Variants in BMPR1A observed in about 807,000 individuals in gnomAD.
BMPR1A encodes the protein bone morphogenetic protein receptor type-1A.
In BMPR1A, 7 loss-of-function variants were observed where a neutral mutation model predicts 66.0. The ratio of observed to expected loss-of-function variants is 0.11; its 90% CI spans 0.06 to 0.20. BMPR1A has a LOEUF of 0.20. BMPR1A is among the 10% of genes least tolerant of loss of function. The pLI, the probability that BMPR1A is intolerant of heterozygous loss-of-function variation, is 1.00. For missense variants in BMPR1A, 408 were observed against 669.1 expected (o/e 0.61, Z 4.31); for synonymous variants, 200 against 229.7 (o/e 0.87, Z 1.17).
At chr10:86,864,391 C>T (rs1842752380) in intron 2 of BMPR1A, among the ~76,000 whole-genome samples, 1 of 152,176 alleles carries the variant, frequency 6.6e-6, no homozygotes, top group African/African-American at 2.4e-5. Context: ...GGCATTTCAA[C>T]CTCTGTCACG....
chr10:86,878,269 A>G (rs927939677), intron 3 of BMPR1A, among the ~76,000 whole-genome samples: 7 of 152,190 alleles, frequency 4.6e-5, no homozygotes, highest in Admixed American at 1.3e-4. Context: ...ATAAACAAGA[A>G]TGTTTTGACC....
intron 1 of BMPR1A, among the ~76,000 whole-genome samples, chr10:86,790,715 C>A (rs57147743): frequency 0.011 from 1,648 of 152,144 alleles, 32 homozygotes; most frequent in African/African-American, 0.037. Flanking sequence ...TTGTATTATT[C>A]TTATTTTTAT....
intron 4 of BMPR1A, among the ~76,000 whole-genome samples, chr10:86,891,379 A>G (rs1180832631): frequency 6.6e-6 from 1 of 152,184 alleles, no homozygotes; most frequent in Non-Finnish European, 1.5e-5. Flanking sequence ...TCTGCCCCAC[A>G]CTTAACATTT....
chr10:86,800,377 A>C (rs1305702340), intron 1 of BMPR1A, among the ~76,000 whole-genome samples: 1 of 152,084 alleles, frequency 6.6e-6, no homozygotes, highest in Non-Finnish European at 1.5e-5. Flanking sequence ...GGGAAACCTA[A>C]AATAAGGCCA....
intron 2 of BMPR1A, chr10:86,855,451 T>C (rs1842627994): frequency 3.2e-6 from 2 of 617,388 alleles, no homozygotes; most frequent in Non-Finnish European, 2.9e-6. Context: ...ATTAGAGTTA[T>C]TTCTGACCTA....
intron 1 of BMPR1A, among the ~76,000 whole-genome samples, chr10:86,774,491 A>AT (rs955774325): frequency 7.1e-4 from 108 of 152,096 alleles, no homozygotes; most frequent in Middle Eastern, 6.8e-3. Context: ...AAAGGGCCAG[A>AT]TTTTTTTTAT....
intron 3 of BMPR1A, among the ~76,000 whole-genome samples, chr10:86,879,971 TC>T (rs1364340024): frequency 6.6e-6 from 1 of 152,248 alleles, no homozygotes; most frequent in African/African-American, 2.4e-5. Context: ...TCTCTGGTGT[TC>T]CTTGGCTAGT....
chr10:86,877,894 A>G (rs1410176390), intron 3 of BMPR1A, among the ~76,000 whole-genome samples: 2 of 152,212 alleles, frequency 1.3e-5, no homozygotes. Flanking sequence ...CCCAGTTCAC[A>G]TTGTTCTATA....
intron 1 of BMPR1A, among the ~76,000 whole-genome samples, chr10:86,834,625 A>C (rs1453831074): frequency 6.6e-6 from 1 of 152,224 alleles, no homozygotes; most frequent in Non-Finnish European, 1.5e-5. Flanking sequence ...TTTAGAACGC[A>C]ACCCATTCAT....
chr10:86,782,570 A>G (rs1166332410), intron 1 of BMPR1A, among the ~76,000 whole-genome samples: 1 of 151,632 alleles, frequency 6.6e-6, no homozygotes, highest in Non-Finnish European at 1.5e-5. Context: ...CCTCAGTGTG[A>G]TTTGATGTGA....
intron 7 of BMPR1A, among the ~76,000 whole-genome samples, chr10:86,911,658 G>A (rs935763277): frequency 2.0e-5 from 3 of 152,164 alleles, no homozygotes; most frequent in African/African-American, 7.2e-5. Context: ...GCTGAGGTGG[G>A]AGGATCGCTT....
At chr10:86,808,537 A>G (rs1000538699) in intron 1 of BMPR1A, among the ~76,000 whole-genome samples, 1 of 152,190 alleles carries the variant, frequency 6.6e-6, no homozygotes, top group Admixed American at 6.5e-5. Flanking sequence ...GAAAGAGTTA[A>G]GAGATTTGAA....
At chr10:86,898,003 A>G (rs12778807) in intron 5 of BMPR1A, among the ~76,000 whole-genome samples, 9,033 of 152,172 alleles carry the variant, frequency 0.059, 636 homozygotes, top group African/African-American at 0.17. Context: ...CTAGGATTCA[A>G]ACTGTTTGAT....
At chr10:86,901,059 ACT>A (rs1233807493) in intron 7 of BMPR1A, among the ~76,000 whole-genome samples, 1 of 152,100 alleles carries the variant, frequency 6.6e-6, no homozygotes, top group Non-Finnish European at 1.5e-5. Flanking sequence ...GGGATCACTC[ACT>A]CTGGGGGAAG....
chr10:86,897,310 CAGGAA>C (rs1261194976), intron 5 of BMPR1A, among the ~76,000 whole-genome samples: 1 of 152,080 alleles, frequency 6.6e-6, no homozygotes, highest in African/African-American at 2.4e-5. Context: ...GTGGAGAGTG[CAGGAA>C]AAGGAAAGGC....
chr10:86,892,300 A>G, intron 5 of BMPR1A, 71 bp downstream of exon 5: 2 of 1,216,386 alleles, frequency 1.6e-6, no homozygotes, highest in Non-Finnish European at 2.4e-6. Context: ...TTCCCCCAGG[A>G]GAAACATGCC....
chr10:86,833,940 G>A (rs1373307465), intron 1 of BMPR1A, among the ~76,000 whole-genome samples: 1 of 152,160 alleles, frequency 6.6e-6, no homozygotes, highest in Non-Finnish European at 1.5e-5. Context: ...CAAGGACCCA[G>A]GTTCTTTCTA....
intron 1 of BMPR1A, among the ~76,000 whole-genome samples, chr10:86,837,362 A>C (rs1408888961): frequency 6.6e-6 from 1 of 151,858 alleles, no homozygotes; most frequent in East Asian, 1.9e-4. Flanking sequence ...GAGCCACTGC[A>C]CCTGGCCAGG....
At chr10:86,812,706 C>T (rs1447656296) in intron 1 of BMPR1A, among the ~76,000 whole-genome samples, 2 of 152,132 alleles carry the variant, frequency 1.3e-5, no homozygotes, top group African/African-American at 4.8e-5. Flanking sequence ...GAAGAGTTCC[C>T]ATATCCCCCC....
Sources: gnomAD v4.1 joint callset for allele counts (sites outside exome capture counted in the v4.1 genomes callset) on GRCh38, gnomAD v4.1.1 for gene constraint, MANE v1.5 for transcripts, NCBI Gene and HGNC (gene_info 2026-07-23, HGNC 2026-07-21) for gene names.